Variants in AKAP10 observed in about 807,000 individuals in gnomAD.
AKAP10 encodes A-kinase anchor protein 10, mitochondrial.
In AKAP10, 24 loss-of-function variants were observed where a neutral mutation model predicts 80.8. The ratio of observed to expected loss-of-function variants is 0.30; its 90% CI spans 0.22 to 0.42. AKAP10 has a LOEUF of 0.42. Among genes scored for constraint, AKAP10 ranks in the 10% least tolerant of loss-of-function variants. The pLI is 1.00. For missense variants in AKAP10, 661 were observed against 794.9 expected (o/e 0.83, Z 2.03); for synonymous variants, 291 against 277.7 (o/e 1.05, Z -0.48).
intron 9 of AKAP10, among the ~76,000 whole-genome samples, chr17:19,933,716 C>T (rs2042962474): frequency 6.6e-6 from 1 of 152,020 alleles, no homozygotes; most frequent in Admixed American, 6.6e-5. Flanking sequence ...GATTTGACTT[C>T]TATATGTCAT....
At chr17:19,951,849 T>C (rs954216381) in intron 4 of AKAP10, among the ~76,000 whole-genome samples, 1 of 148,242 alleles carries the variant, frequency 6.7e-6, no homozygotes, top group Non-Finnish European at 1.5e-5. Flanking sequence ...CCTATGACCC[T>C]GCCAAATCCC....
chr17:19,941,010 C>T lies in AKAP10; in HGVS notation c.1062G>A (p.Glu354=). Residue 354 remains glutamate, a splice_region_variant and synonymous_variant, in exon 7 of 15, where the codon GAG becomes GAA. Transcript: ENST00000225737. ...GACTTCGCAGAAACTCACTAAAGTG[C>T]CTGCACATGGACAAAAGGGAAAATT... The part of the protein sequence containing the change: ...QSIVFSAMEQ[E]HFSEFLRSHH... The T allele has an allele frequency of 1.3e-6, 2 of 1,593,290 alleles. No homozygotes were observed. Among genetic ancestry groups the T allele is most frequent in the Non-Finnish European group, 1.7e-6 (2 of 1,174,636 alleles).
intron 10 of AKAP10, among the ~76,000 whole-genome samples, chr17:19,930,711 T>TA (rs201743344): frequency 1.3e-5 from 2 of 151,130 alleles, no homozygotes; most frequent in Non-Finnish European, 3.0e-5. Context: ...CTCCATCATT[T>TA]AAAAAAAAAA....
chr17:19,945,797 G>A (rs1185161586), intron 5 of AKAP10, among the ~76,000 whole-genome samples: 4 of 152,046 alleles, frequency 2.6e-5, no homozygotes, highest in Non-Finnish European at 5.9e-5. Flanking sequence ...TGCTAAAAGT[G>A]CAAGAACATG....
At chr17:19,947,290 G>A in intron 5 of AKAP10, 117 bp downstream of exon 5, 1 of 772,922 alleles carries the variant, frequency 1.3e-6, no homozygotes, top group Non-Finnish European at 2.2e-6. Flanking sequence ...AAACAAATTA[G>A]GAAGGGAACT....
chr17:19,976,885 T>C (rs534730690), intron 1 of AKAP10, among the ~76,000 whole-genome samples: 34 of 152,332 alleles, frequency 2.2e-4, no homozygotes, highest in African/African-American at 7.9e-4. Context: ...CACAGACCCA[T>C]ACTTGCTCAC....
intron 12 of AKAP10, among the ~76,000 whole-genome samples, chr17:19,915,947 A>G (rs988516957): frequency 6.6e-6 from 1 of 152,198 alleles, no homozygotes; most frequent in African/African-American, 2.4e-5. Context: ...TGTCCCTGAC[A>G]CTTTCAAGTC....
chr17:19,938,237 A>ATTTTTTTTTT (rs71157845), intron 8 of AKAP10, among the ~76,000 whole-genome samples: 258 of 136,088 alleles, frequency 1.9e-3, no homozygotes, highest in African/African-American at 7.0e-3. Context: ...CTGAAAACCT[A>ATTTTTTTTTT]TTTTTTTTTT....
chr17:19,946,234 ATATTATATATATATAT>A lies in AKAP10; in HGVS notation c.976+1157_976+1172del, dbSNP rs2043112188. ...ATATATATATATTTTATATATATATATATTATATATATATATATATATATATATATATATATATATA... is the reference window on the plus strand; with the variant it reads ...ATATATATATATTTTATATATATATAATATATATATATATATATATATATA... On this transcript the variant is annotated intron_variant, in intron 5 of 14. Coordinates refer to ENST00000225737, the MANE Select transcript of AKAP10 (RefSeq NM_007202.4). 7.5e-4 allele frequency among the ~76,000 whole-genome samples: 13 copies of A among 17,254 alleles called. 1 individual carries two copies. The highest frequency in any genetic ancestry group is 2.3e-3 in the African/African-American group (13 of 5,620). The allele number at this position is 17,254 out of a possible 152,430, so 11.3% of individuals were successfully genotyped here. A position where few individuals can be genotyped will look rare whatever the true frequency, so the allele number is the denominator to read the frequency against.
rs766917822 is a variant in AKAP10 at position 19,958,129 on chromosome 17, T to G, written c.762A>C (p.Arg254Ser). 4.0e-5 allele frequency: 64 copies of G among 1,614,134 alleles called. No individual in the cohort carries two copies. In the Middle Eastern group the frequency reaches 4.5e-3, roughly 112 times the overall value. ...CCATGGAAACTTGGTGAGTTCCTGCTCTGGCCATTTCAAGACGGAGAGAAT... is the reference window on the plus strand; with the variant it reads ...CCATGGAAACTTGGTGAGTTCCTGCGCTGGCCATTTCAAGACGGAGAGAAT... ...SAHSLRLEMA[R>S]AGTHQVSMET... The change falls in exon 4 of 15, where the codon AGA (arginine) becomes AGC (serine). Residue 254 changes from arginine (R) to serine (S), a missense_variant. Coordinates refer to ENST00000225737, the MANE Select transcript of AKAP10 (RefSeq NM_007202.4).
intron 12 of AKAP10, among the ~76,000 whole-genome samples, chr17:19,916,025 T>C (rs2042738834): frequency 6.6e-6 from 1 of 152,238 alleles, no homozygotes. Flanking sequence ...GCTCACTCCA[T>C]TCCAGCCACA....
At chr17:19,913,985 T>A (rs893521138) in intron 12 of AKAP10, among the ~76,000 whole-genome samples, 2 of 152,102 alleles carry the variant, frequency 1.3e-5, no homozygotes, top group Non-Finnish European at 2.9e-5. Context: ...AATATTCTAG[T>A]CATGAAAGAG....
intron 12 of AKAP10, among the ~76,000 whole-genome samples, chr17:19,918,408 C>T (rs1170935589): frequency 6.6e-6 from 1 of 152,112 alleles, no homozygotes; most frequent in Non-Finnish European, 1.5e-5. Flanking sequence ...AGCCATGGCG[C>T]CTGTAATCCC....
chr17:19,943,988 GT>G lies in AKAP10; in HGVS notation c.977-2079del, dbSNP rs200796308. 1.6e-3 allele frequency among the ~76,000 whole-genome samples: 231 copies of G among 147,676 alleles called. 1 individual carries two copies. The highest frequency in any genetic ancestry group is 4.9e-3 in the African/African-American group (197 of 40,600). ...GTGAGAGTTCAGAAGGAGAAACTGA[GT>G]TTTTTTTTTTTCTACAGTACATCTC... On this transcript the variant is annotated intron_variant, in intron 5 of 14. Transcript: ENST00000225737.
In AKAP10 at chr17:19,962,291, C is replaced by T. The variant is rs957376505; in HGVS notation, c.319+549G>A. 5.8e-5 allele frequency among the ~76,000 whole-genome samples: 6 copies of T among 103,114 alleles called. No homozygotes were observed. The East Asian group carries it at 1.5e-3, about 26-fold the overall frequency. The allele number at this position is 103,114 out of a possible 152,430, so 67.6% of individuals were successfully genotyped here. A position where few individuals can be genotyped will look rare whatever the true frequency, so the allele number is the denominator to read the frequency against. On this transcript the variant is annotated intron_variant, in intron 3 of 14. Coordinates refer to ENST00000225737, the MANE Select transcript of AKAP10 (RefSeq NM_007202.4). The stretch of plus-strand genomic sequence containing the variant: ...ACATACATACATACATACATACATA[C>T]ATATACACACACACACACACACACA...
intron 12 of AKAP10, among the ~76,000 whole-genome samples, 159 bp downstream of exon 12, chr17:19,919,877 A>G (rs1409848753): frequency 6.6e-6 from 1 of 152,218 alleles, no homozygotes; most frequent in Non-Finnish European, 1.5e-5. Context: ...AGATGTGACT[A>G]CAGGAAGCCC....
intron 9 of AKAP10, 34 bp downstream of exon 9, chr17:19,936,252 C>A: frequency 3.1e-6 from 5 of 1,590,304 alleles, no homozygotes; most frequent in Non-Finnish European, 4.3e-6. Flanking sequence ...AATAAAACTT[C>A]TTGTAGTTTG....
chr17:19,943,194 C>A (rs1403781998), intron 5 of AKAP10, among the ~76,000 whole-genome samples: 2 of 152,084 alleles, frequency 1.3e-5, no homozygotes, highest in Non-Finnish European at 2.9e-5. Context: ...TGGCCTTTAG[C>A]CAGTTTCTTA....
At chr17:19,957,960 A>G in intron 4 of AKAP10, 54 bp downstream of exon 4, 1 of 1,496,558 alleles carries the variant, frequency 6.7e-7, no homozygotes, top group Non-Finnish European at 9.0e-7. Context: ...TGCTTAGTAA[A>G]TTAAAAAAAG....
Sources: allele counts gnomAD v4.1 joint callset (sites outside exome capture counted in the v4.1 genomes callset), GRCh38; gene constraint gnomAD v4.1.1; transcripts MANE v1.5; gene names NCBI Gene and HGNC (gene_info 2026-07-23, HGNC 2026-07-21).